SENP1: variants seen among roughly 807,000 people sequenced by gnomAD.
SENP1 encodes sentrin-specific protease 1.
A neutral mutation model predicts 93.0 loss-of-function variants in SENP1; 21 were observed. The ratio of observed to expected loss-of-function variants is 0.23; its 90% CI spans 0.16 to 0.33. The LOEUF (loss-of-function observed/expected upper bound fraction) is 0.33. Among genes scored for constraint, SENP1 ranks in the 10% least tolerant of loss-of-function variants. The pLI, the probability that SENP1 is intolerant of heterozygous loss-of-function variation, is 1.00. For missense variants in SENP1, 591 were observed against 758.7 expected, an observed-to-expected ratio of 0.78 and a Z score of 2.60; for synonymous variants, 256 against 259.6, an observed-to-expected ratio of 0.99 and a Z score of 0.13.
chr12:48,079,477 C>A (rs534129971), intron 6 of SENP1, among the ~76,000 whole-genome samples: 2 of 151,864 alleles, frequency 1.3e-5, no homozygotes, highest in Non-Finnish European at 2.9e-5. Context: ...CCAGCTGGGG[C>A]AAGAGAACAA....
At position 48,096,234 on chromosome 12, in the gene SENP1, A is replaced by C. The variant is rs1945546998; in HGVS notation, c.220+109T>G. ...ATGATGTTTTAGTGAAGAAAATACCATCTTGTTTTTGACAATGTTTTTACT... is the reference window on the plus strand; with the variant it reads ...ATGATGTTTTAGTGAAGAAAATACCCTCTTGTTTTTGACAATGTTTTTACT... On this transcript the variant is annotated intron_variant, in intron 4 of 17. Coordinates refer to ENST00000549518, the MANE Select transcript of SENP1 (RefSeq NM_001267594.2). 4.6e-5 allele frequency: 28 copies of C among 609,072 alleles called. 1 individual carries two copies. In the South Asian group the frequency reaches 5.7e-4, roughly 12 times the overall value. 37.7% of individuals were successfully genotyped at this position (609,072 alleles called of 1,614,324 possible).
chr12:48,047,013 T>C lies in SENP1; in HGVS notation c.1741A>G (p.Thr581Ala). 6.2e-7 allele frequency: 1 copy of C among 1,613,092 alleles called. No homozygotes were observed. The highest frequency in any genetic ancestry group is 8.5e-7 in the Non-Finnish European group (1 of 1,179,232). The change falls in exon 16 of 18, where the codon ACC becomes GCC. Residue 581 changes from threonine (T) to alanine (A), a missense_variant. This residue lies in a region of SENP1 where 132 missense variants were observed against 230.1 expected (regional missense o/e 0.57). Transcript: ENST00000549518. ...SIDKKRKEFD[T>A]NGWQLFSKKS... ...TTGCTGAAAAGCTGCCAGCCATTGG[T>C]GTCAAACTCTTTCCTTTTCTTGTCA...
At chr12:48,053,931 C>A (rs1942015517) in intron 13 of SENP1, among the ~76,000 whole-genome samples, 1 of 152,076 alleles carries the variant, frequency 6.6e-6, no homozygotes, top group Non-Finnish European at 1.5e-5. Context: ...TAGAGTAGAA[C>A]CCATCCCCCA....
At chr12:48,104,220 G>GA (rs772256640) in intron 1 of SENP1, among the ~76,000 whole-genome samples, 1 of 101,030 alleles carries the variant, frequency 9.9e-6, no homozygotes, top group Non-Finnish European at 1.8e-5. Flanking sequence ...AAAAAAAGAA[G>GA]AAAAAAATAT....
At position 48,056,568 on chromosome 12, in the gene SENP1, A is replaced by G. The variant is rs1426423997; in HGVS notation, c.1407+7142T>C. Among the ~76,000 whole-genome samples, 543 of 62,450 alleles carry G rather than the reference A, an allele frequency of 8.7e-3. 6 individuals carry two copies. The highest frequency in any genetic ancestry group is 0.017 in the East Asian group (19 of 1,098). The allele number at this position is 62,450 out of a possible 152,430, so 41.0% of individuals were successfully genotyped here. The stretch of plus-strand genomic sequence containing the variant: ...TTTAATATATTACATATATAAATAT[A>G]TTATTTAATATATTACATATATAAA... On this transcript the variant is annotated intron_variant, in intron 13 of 17. Coordinates refer to ENST00000549518, the MANE Select transcript of SENP1 (RefSeq NM_001267594.2).
Position 48,057,217 on chromosome 12 carries a change from T to C in SENP1, c.1407+6493A>G, listed in dbSNP as rs1262911467. On this transcript the variant is annotated intron_variant, in intron 13 of 17. Coordinates refer to ENST00000549518, the MANE Select transcript of SENP1 (RefSeq NM_001267594.2). ...CATTACATATATATTATTTATTATA[T>C]ATAAAAAATACATTATATATATATT... Among the ~76,000 whole-genome samples, 8 of 140,722 alleles carry C rather than the reference T, an allele frequency of 5.7e-5. 1 individual carries two copies. The highest frequency in any genetic ancestry group is 9.1e-5 in the Non-Finnish European group (6 of 66,140). 92.3% of individuals were successfully genotyped at this position (140,722 alleles called of 152,430 possible).
intron 5 of SENP1, among the ~76,000 whole-genome samples, chr12:48,084,078 T>C (rs773506808): frequency 6.6e-6 from 1 of 152,210 alleles, no homozygotes; most frequent in Non-Finnish European, 1.5e-5. Flanking sequence ...ACAGATTAGA[T>C]GTCTTCAAAA....
intron 14 of SENP1, 48 bp downstream of exon 14, chr12:48,048,881 A>G (rs1161721546): frequency 1.5e-5 from 21 of 1,427,384 alleles, no homozygotes; most frequent in Non-Finnish European, 1.5e-5. Context: ...TGTGTGTTCT[A>G]TAAGTACATA....
At chr12:48,104,166 A>G (rs1314840847) in intron 1 of SENP1, among the ~76,000 whole-genome samples, 1 of 150,198 alleles carries the variant, frequency 6.7e-6, no homozygotes, top group Non-Finnish European at 1.5e-5. Context: ...AGACAAGACC[A>G]AGCCATTGCA....
chr12:48,090,780 G>C (rs147999411), intron 4 of SENP1, among the ~76,000 whole-genome samples: 47 of 152,016 alleles, frequency 3.1e-4, no homozygotes, highest in South Asian at 6.2e-4. Context: ...TATTGTTTTG[G>C]AGAGGGAGGG....
Position 48,065,310 on chromosome 12 carries a change from A to AT in SENP1, c.1120-91dup. The AT allele has an allele frequency of 2.7e-6, 3 of 1,097,978 alleles. No homozygotes were observed. The South Asian group carries it at 4.9e-5, about 18-fold the overall frequency. 68.0% of individuals were successfully genotyped at this position (1,097,978 alleles called of 1,614,324 possible). A position where few individuals can be genotyped will look rare whatever the true frequency, so the allele number is the denominator to read the frequency against. On this transcript the variant is annotated intron_variant, in intron 11 of 17. Transcript: ENST00000549518. ...AGGGTTATGTCCCAATAAACCTGTCATAAGTCAAAGAGCGTGCTTAAATGC... is the reference window on the plus strand; with the variant it reads ...AGGGTTATGTCCCAATAAACCTGTCATTAAGTCAAAGAGCGTGCTTAAATGC...
intron 2 of SENP1, among the ~76,000 whole-genome samples, chr12:48,098,608 A>G (rs1247536321): frequency 6.8e-6 from 1 of 147,728 alleles, no homozygotes; most frequent in Non-Finnish European, 1.5e-5. Context: ...GTGCCACTGC[A>G]CTCCAGCCTG....
intron 9 of SENP1, among the ~76,000 whole-genome samples, chr12:48,071,020 G>A (rs1490289241): frequency 6.6e-6 from 1 of 152,176 alleles, no homozygotes; most frequent in East Asian, 1.9e-4. Flanking sequence ...GGAGTTCAAA[G>A]CTCCAGTGAG....
chr12:48,099,440 T>G (rs183386535), intron 2 of SENP1, among the ~76,000 whole-genome samples: 1 of 152,214 alleles, frequency 6.6e-6, no homozygotes, highest in Non-Finnish European at 1.5e-5. Context: ...ATAAAAAAAT[T>G]GGGGGAAAAA....
Position 48,065,105 on chromosome 12 carries a change from T to A in SENP1, c.1235A>T (p.Lys412Ile). 6.2e-7 allele frequency: 1 copy of A among 1,608,010 alleles called. No homozygotes were observed. Among genetic ancestry groups the A allele is most frequent in the South Asian group, 1.1e-5 (1 of 90,964 alleles). The change falls in exon 12 of 18, where the codon AAA becomes ATA. Residue 412 changes from lysine to isoleucine, a missense_variant. Physicochemically the swap from Lys to Ile is moderately radical, Grantham distance 102 (BLOSUM62 -3). Coordinates refer to ENST00000549518, the MANE Select transcript of SENP1 (RefSeq NM_001267594.2). ...VVQETQKKGH[K>I]LTDSEDEFPE... ...AAATTCATCTTCACTATCAGTTAAT[T>A]TATGACCTTTTTTTTGTGTTTCTTG... is the stretch of plus-strand genomic sequence containing the variant.
chr12:48,050,198 A>G (rs921652132), intron 13 of SENP1, among the ~76,000 whole-genome samples: 3 of 152,202 alleles, frequency 2.0e-5, no homozygotes, highest in African/African-American at 7.2e-5. Flanking sequence ...TGACTAAGAA[A>G]ACAGGCACAT....
intron 2 of SENP1, among the ~76,000 whole-genome samples, chr12:48,100,305 C>T (rs1945839713): frequency 1.3e-5 from 2 of 152,232 alleles, no homozygotes; most frequent in Non-Finnish European, 1.5e-5. Context: ...AATTATTTAT[C>T]ATTTAGAAGT....
At chr12:48,093,300 T>G (rs79290177) in intron 4 of SENP1, among the ~76,000 whole-genome samples, 1 of 136,174 alleles carries the variant, frequency 7.3e-6, no homozygotes, top group Non-Finnish European at 1.6e-5. Context: ...TTTTTTTTTT[T>G]GGAAATGGAG....
intron 15 of SENP1, among the ~76,000 whole-genome samples, 164 bp downstream of exon 15, chr12:48,047,837 T>A (rs557956372): frequency 6.6e-6 from 1 of 152,352 alleles, no homozygotes; most frequent in Middle Eastern, 3.4e-3. Flanking sequence ...TACTTTGGTA[T>A]TGTTTTTAAA....
Sources: allele counts gnomAD v4.1 joint callset (sites outside exome capture counted in the v4.1 genomes callset), GRCh38; gene constraint gnomAD v4.1.1; regional missense constraint gnomAD v4.1.1; transcripts MANE v1.5; gene names NCBI Gene and HGNC (gene_info 2026-07-23, HGNC 2026-07-21).